The following CARMIL1 variants were observed in gnomAD, a reference collection of about 807,000 sequenced individuals.
The protein encoded by CARMIL1 is capping protein regulator and myosin 1 linker 1, also known as F-actin-uncapping protein LRRC16A.
Under a neutral mutation model 177.1 loss-of-function variants are expected in CARMIL1, and 90 were observed. That is an observed-to-expected ratio of 0.51 (90% CI 0.43 to 0.61). CARMIL1 has a LOEUF of 0.61. CARMIL1 is among the 20% of genes least tolerant of loss of function. The pLI, the probability that CARMIL1 is intolerant of heterozygous loss-of-function variation, is 0.00. For synonymous variants in CARMIL1, 577 were observed against 606.2 expected (o/e 0.95, Z 0.71); for missense variants, 1,380 against 1,667.0 (o/e 0.83, Z 3.00).
chr6:25,495,168 G>A lies in CARMIL1; in HGVS notation c.1278G>A (p.Leu426=), dbSNP rs1257991215. 1 of 1,613,316 alleles carries A rather than the reference G, an allele frequency of 6.2e-7. No individual in the cohort carries two copies. Among genetic ancestry groups the A allele is most frequent in the African/African-American group, 1.3e-5 (1 of 74,970 alleles). Residue 426 remains leucine, a synonymous_variant, in exon 16 of 37, where the codon TTG becomes TTA. Coordinates refer to ENST00000329474, the MANE Select transcript of CARMIL1 (RefSeq NM_017640.6). ...FKQFFSSSLA[L]MHINLSGTKL... ...AATTTTTTAGTAGTTCTCTGGCTTTGATGCACATCAACCTTTCAGGCACAA... is the reference window on the plus strand; with the variant it reads ...AATTTTTTAGTAGTTCTCTGGCTTTAATGCACATCAACCTTTCAGGCACAA...
At chr6:25,355,263 C>T (rs528032242) in intron 2 of CARMIL1, among the ~76,000 whole-genome samples, 39 of 152,314 alleles carry the variant, frequency 2.6e-4, no homozygotes, top group African/African-American at 8.7e-4. Flanking sequence ...AATCTTTCCT[C>T]TATGTCTTGG....
rs940858370 is a variant in CARMIL1, at chr6:25,609,397, C to T, written c.3848-653C>T. Among the ~76,000 whole-genome samples, 11 of 150,026 alleles carry T rather than the reference C, an allele frequency of 7.3e-5. No individual in the cohort carries two copies. In the South Asian group the frequency reaches 1.1e-3, roughly 14 times the overall value. On this transcript the variant is annotated intron_variant, in intron 35 of 36. Transcript: ENST00000329474. The stretch of plus-strand genomic sequence containing the variant: ...AGGAGAATCGCTTAGACCCAGGAGG[C>T]GGAGGTTGCAGTGAGCCGGGATCGC...
Position 25,619,817 on chromosome 6 carries a change from C to T in CARMIL1, c.*234C>T, listed in dbSNP as rs376579854. The T allele has an allele frequency of 3.5e-6, 1 of 282,806 alleles. No homozygotes were observed. Among genetic ancestry groups the T allele is most frequent in the African/African-American group, 2.4e-5 (1 of 41,272 alleles). The allele number at this position is 282,806 out of a possible 1,614,324, so 17.5% of individuals were successfully genotyped here. A position where few individuals can be genotyped will look rare whatever the true frequency, so the allele number is the denominator to read the frequency against. ...AAAGCACATTTGTTTGGTCTTCCTC[C>T]AACCCTTTGCATTTGATTTCTAAAC... On this transcript the variant is annotated 3_prime_UTR_variant, in exon 37 of 37. Transcript: ENST00000329474.
chr6:25,449,870 A>G, intron 5 of CARMIL1, 28 bp from the exon 6 acceptor site: 1 of 1,411,492 alleles, frequency 7.1e-7, no homozygotes, highest in Non-Finnish European at 9.8e-7. Flanking sequence ...GTGGTTTGTG[A>G]AATGTGTTGT....
At chr6:25,534,434 T>C (rs1808084873) in intron 24 of CARMIL1, among the ~76,000 whole-genome samples, 2 of 152,258 alleles carry the variant, frequency 1.3e-5, no homozygotes, top group Admixed American at 1.3e-4. Context: ...AGTGTCTGGA[T>C]GTACCACTGC....
intron 8 of CARMIL1, among the ~76,000 whole-genome samples, chr6:25,459,210 T>TTTTCTTTCTTTCTTTCTTTCTTCCTTTC (rs1799799036): frequency 5.0e-5 from 4 of 80,136 alleles, no homozygotes; most frequent in African/African-American, 1.8e-4. Flanking sequence ...GATCCCAACT[T>TTTTCTTTCTTTCTTTCTTTCTTCCTTTC]TTTCTTTCTT....
chr6:25,395,231 G>A (rs558704637), intron 2 of CARMIL1, among the ~76,000 whole-genome samples: 13 of 152,254 alleles, frequency 8.5e-5, no homozygotes, highest in Non-Finnish European at 1.5e-4. Context: ...TCGGGACGGC[G>A]GTGCAAGGAG....
chr6:25,317,875 T>G (rs192286774), intron 2 of CARMIL1, among the ~76,000 whole-genome samples: 46 of 152,330 alleles, frequency 3.0e-4, no homozygotes, highest in African/African-American at 9.9e-4. Flanking sequence ...TATTTAGGGC[T>G]TCTAATTCAC....
rs542665379 is a variant in CARMIL1 at position 25,326,601 on chromosome 6, A to G, written c.138+41692A>G. Among the ~76,000 whole-genome samples the G allele has an allele frequency of 6.6e-6, 1 of 152,276 alleles. No individual in the cohort carries two copies. Among genetic ancestry groups the G allele is most frequent in the East Asian group, 1.9e-4 (1 of 5,182 alleles). On this transcript the variant is annotated intron_variant, in intron 2 of 36. Transcript: ENST00000329474. This position sits in a 1 kb window ranked among gnomAD's most constrained non-coding sequence, Gnocchi z 4.2. ...AGAAATGCATACTTCAAGTCTTATT[A>G]TGGACTTGCTGATTCAGAACCTGGA...
intron 2 of CARMIL1, among the ~76,000 whole-genome samples, chr6:25,286,416 C>G (rs1350898745): frequency 1.3e-5 from 2 of 152,174 alleles, no homozygotes; most frequent in African/African-American, 4.8e-5. Context: ...TTTTGCCCAG[C>G]AACAAAATGT....
At chr6:25,372,887 C>G (rs1790561947) in intron 2 of CARMIL1, among the ~76,000 whole-genome samples, 1 of 152,134 alleles carries the variant, frequency 6.6e-6, no homozygotes, top group Non-Finnish European at 1.5e-5. Flanking sequence ...GTCTGTCATA[C>G]ATGGCTTTTA....
chr6:25,368,223 A>G (rs1468944345), intron 2 of CARMIL1, among the ~76,000 whole-genome samples: 1 of 152,238 alleles, frequency 6.6e-6, no homozygotes, highest in Non-Finnish European at 1.5e-5. Context: ...GGTATGGCTA[A>G]ATTTAAATAA....
intron 4 of CARMIL1, among the ~76,000 whole-genome samples, chr6:25,426,910 AT>A (rs569062907): frequency 1.4e-4 from 22 of 152,222 alleles, no homozygotes; most frequent in Admixed American, 3.3e-4. Flanking sequence ...TGATAAATGA[AT>A]TTTTTGGATT....
At chr6:25,387,575 T>C (rs1196159952) in intron 2 of CARMIL1, among the ~76,000 whole-genome samples, 1 of 152,236 alleles carries the variant, frequency 6.6e-6, no homozygotes, top group African/African-American at 2.4e-5. Context: ...CTTTCTGTGA[T>C]TTTGAAGACC....
chr6:25,360,557 T>A (rs894665640), intron 2 of CARMIL1, among the ~76,000 whole-genome samples: 5 of 152,224 alleles, frequency 3.3e-5, no homozygotes, highest in African/African-American at 4.8e-5. Flanking sequence ...CAGAAAATTT[T>A]TTTTGGCAAT....
chr6:25,363,494 A>G (rs1272915746), intron 2 of CARMIL1, among the ~76,000 whole-genome samples: 1 of 152,168 alleles, frequency 6.6e-6, no homozygotes, highest in Non-Finnish European at 1.5e-5. Flanking sequence ...TCCATTGGTT[A>G]TATAAAAAGT....
In CARMIL1 at chr6:25,445,552, T is replaced by TG. The variant is rs57095838; in HGVS notation, c.372-4345dup. 4.7e-3 allele frequency among the ~76,000 whole-genome samples: 716 copies of TG among 150,796 alleles called. 3 individuals carry two copies. Among genetic ancestry groups the TG allele is most frequent in the African/African-American group, 0.016 (638 of 40,866 alleles). ...AATATATTTCTTTTTTTTTTTTTTT[T>TG]GAGTTGTTGTCTTGCTCAGTTACCC... On this transcript the variant is annotated intron_variant, in intron 5 of 36. Coordinates refer to ENST00000329474, the MANE Select transcript of CARMIL1 (RefSeq NM_017640.6).
At chr6:25,541,608 A>C (rs190045) in intron 26 of CARMIL1, among the ~76,000 whole-genome samples, 20,175 of 152,134 alleles carry the variant, frequency 0.13, 1,483 homozygotes, top group East Asian at 0.31. Flanking sequence ...AAGTTGTTCA[A>C]CCTTTTAATA....
chr6:25,464,055 C>T (rs939518754), intron 8 of CARMIL1, among the ~76,000 whole-genome samples: 1 of 151,998 alleles, frequency 6.6e-6, no homozygotes. Flanking sequence ...ATCTCCTGAC[C>T]TCGTGATCCG....
Sources: gnomAD v4.1 joint callset for allele counts (sites outside exome capture counted in the v4.1 genomes callset) on GRCh38, gnomAD v4.1.1 for gene constraint, Gnocchi (gnomAD v3.1) non-coding constraint, MANE v1.5 for transcripts, NCBI Gene and HGNC (gene_info 2026-07-23, HGNC 2026-07-21) for gene names.